NDUFA8: variants seen among roughly 807,000 people sequenced by gnomAD.
NDUFA8 encodes NADH dehydrogenase [ubiquinone] 1 alpha subcomplex subunit 8.
A neutral mutation model predicts 20.9 loss-of-function variants in NDUFA8; 16 were observed. That is an observed-to-expected ratio of 0.77 (90% confidence interval 0.52 to 1.16). The LOEUF (loss-of-function observed/expected upper bound fraction) is 1.16. Among genes scored for constraint, NDUFA8 ranks in the 50% most tolerant of loss-of-function variants. NDUFA8 has a pLI of 0.00. For missense variants in NDUFA8, 202 were observed against 216.4 expected (o/e 0.93, Z 0.42); for synonymous variants, 70 against 76.1 (o/e 0.92, Z 0.41).
intron 2 of NDUFA8, among the ~76,000 whole-genome samples, chr9:122,151,076 A>C (rs546092532): frequency 6.6e-6 from 1 of 152,300 alleles, no homozygotes; most frequent in African/African-American, 2.4e-5. Flanking sequence ...CAATGTATAC[A>C]TACTATGATT....
At chr9:122,140,115 C>A (rs1284563899), downstream of NDUFA8, among the ~76,000 whole-genome samples, 2 of 152,240 alleles carry the variant, frequency 1.3e-5, no homozygotes, top group African/African-American at 4.8e-5. Context: ...GACAAGCACA[C>A]AGACAATCTT....
downstream of NDUFA8, among the ~76,000 whole-genome samples, chr9:122,142,042 G>A (rs1030396064): frequency 6.6e-6 from 1 of 152,174 alleles, no homozygotes; most frequent in African/African-American, 2.4e-5. Flanking sequence ...AGTGAACAGT[G>A]CTAGAAGTTG....
At chr9:122,154,799 T>C (rs1284573342) in intron 1 of NDUFA8, among the ~76,000 whole-genome samples, 2 of 152,222 alleles carry the variant, frequency 1.3e-5, no homozygotes, top group African/African-American at 2.4e-5. Context: ...ATCTGGAATA[T>C]AGTTGTTTGG....
intron 3 of NDUFA8, among the ~76,000 whole-genome samples, chr9:122,146,418 T>C (rs965295764): frequency 6.6e-6 from 1 of 152,222 alleles, no homozygotes; most frequent in Non-Finnish European, 1.5e-5. Flanking sequence ...GAAAAGGTAG[T>C]TTTATTTGTT....
intron 1 of NDUFA8, among the ~76,000 whole-genome samples, chr9:122,153,039 C>G (rs1468836718): frequency 6.6e-6 from 1 of 152,000 alleles, no homozygotes; most frequent in Non-Finnish European, 1.5e-5. Flanking sequence ...CCAAAGCAGG[C>G]AGATCACTTG....
downstream of NDUFA8, among the ~76,000 whole-genome samples, chr9:122,142,933 A>C (rs371314512): frequency 2.0e-5 from 3 of 152,298 alleles, no homozygotes; most frequent in African/African-American, 7.2e-5. Context: ...ATGCAAAAAA[A>C]AGTCTTATTT....
Position 122,159,743 on chromosome 9 carries a change from C to G in NDUFA8, c.-66G>C, listed in dbSNP as rs1034573205. Reference sequence around the variant, plus strand: ...CGTCGCCCCCGTCTCCTTGAACTCCCCTTTCGACCGCCGAGTGCCACACGG... The same window carrying G: ...CGTCGCCCCCGTCTCCTTGAACTCCGCTTTCGACCGCCGAGTGCCACACGG... On this transcript the variant is annotated 5_prime_UTR_variant, in exon 1 of 4. Coordinates refer to ENST00000373768, the MANE Select transcript of NDUFA8 (RefSeq NM_014222.3). The G allele has an allele frequency of 3.1e-6, 5 of 1,609,948 alleles. No individual in the cohort carries two copies. Among genetic ancestry groups the G allele is most frequent in the Admixed American group, 1.7e-5 (1 of 59,990 alleles).
downstream of NDUFA8, among the ~76,000 whole-genome samples, chr9:122,143,411 A>G (rs1342537115): frequency 6.6e-6 from 1 of 152,226 alleles, no homozygotes; most frequent in Non-Finnish European, 1.5e-5. Context: ...GCTTTGAACC[A>G]AAGAGCTTTA....
At chr9:122,136,851 G>A in the NDUFA8 span, among the ~76,000 whole-genome samples, 10,042 of 152,130 alleles carry the variant, frequency 0.066, 415 homozygotes, top group East Asian at 0.16. Context: ...CACCGCGCCC[G>A]GCTGCCTTTG....
chr9:122,145,915 T>C (rs1369338691), intron 3 of NDUFA8, among the ~76,000 whole-genome samples: 2 of 151,098 alleles, frequency 1.3e-5, no homozygotes, highest in Non-Finnish European at 2.9e-5. Context: ...TCTGGGAGGC[T>C]GAGGCAGGTG....
intron 1 of NDUFA8, among the ~76,000 whole-genome samples, chr9:122,153,266 CAA>C (rs71371923): frequency 8.3e-6 from 1 of 120,568 alleles, no homozygotes; most frequent in East Asian, 2.5e-4. Flanking sequence ...GACTCTGTCT[CAA>C]AAAAAAAAAA....
At chr9:122,143,244 G>C (rs929377349), downstream of NDUFA8, among the ~76,000 whole-genome samples, 16 of 152,174 alleles carry the variant, frequency 1.1e-4, no homozygotes, top group African/African-American at 3.9e-4. Flanking sequence ...GTGCCGCAAA[G>C]AGGTAACCAA....
downstream of NDUFA8, among the ~76,000 whole-genome samples, chr9:122,139,532 C>A (rs1385892585): frequency 1.3e-5 from 2 of 152,172 alleles, no homozygotes; most frequent in African/African-American, 4.8e-5. Flanking sequence ...GGCTGCAAAA[C>A]CAACGTTGAT....
chr9:122,158,665 G>GTA lies in NDUFA8; in HGVS notation c.51+960_51+961dup, dbSNP rs566091939. Among the ~76,000 whole-genome samples, 790 of 146,572 alleles carry GTA rather than the reference G, an allele frequency of 5.4e-3. 6 individuals are homozygous for GTA. Among genetic ancestry groups the GTA allele is most frequent in the African/African-American group, 0.017 (674 of 39,912 alleles). ...GCTACGACCAATTGTGTGTGTGTGT[G>GTA]TATATATATATATATGACCAATTGT... On this transcript the variant is annotated intron_variant, in intron 1 of 3. Coordinates refer to ENST00000373768, the MANE Select transcript of NDUFA8 (RefSeq NM_014222.3).
At chr9:122,149,360 A>G (rs1187878125) in intron 2 of NDUFA8, among the ~76,000 whole-genome samples, 3 of 152,204 alleles carry the variant, frequency 2.0e-5, no homozygotes, top group Admixed American at 2.0e-4. Context: ...GCACCCACAT[A>G]ACTTCTACTC....
chr9:122,144,468 G>T, intron 3 of NDUFA8, 90 bp from the exon 4 acceptor site: 1 of 1,182,764 alleles, frequency 8.5e-7, no homozygotes, highest in Non-Finnish European at 1.3e-6. Context: ...TCTCCTCATT[G>T]CTCCCGCTGC....
downstream of NDUFA8, among the ~76,000 whole-genome samples, chr9:122,142,778 A>G (rs1037815373): frequency 4.6e-5 from 7 of 152,300 alleles, no homozygotes; most frequent in East Asian, 1.9e-4. Flanking sequence ...CTTCCTTTGC[A>G]GAAGGAACCT....
downstream of NDUFA8, among the ~76,000 whole-genome samples, chr9:122,142,979 A>G (rs1828843739): frequency 6.6e-6 from 1 of 152,212 alleles, no homozygotes. Context: ...TTGGTTGGCA[A>G]GTAACTTTTG....
At chr9:122,133,838 A>G in the NDUFA8 span, among the ~76,000 whole-genome samples, 33 of 152,326 alleles carry the variant, frequency 2.2e-4, no homozygotes, top group African/African-American at 7.5e-4. Flanking sequence ...GATGTCCAAG[A>G]ACCGGCTTCA....
Sources: allele counts gnomAD v4.1 joint callset (sites outside exome capture counted in the v4.1 genomes callset), GRCh38; gene constraint gnomAD v4.1.1; transcripts MANE v1.5; gene names NCBI Gene and HGNC (gene_info 2026-07-23, HGNC 2026-07-21).